XXYLT1: variants seen among roughly 807,000 people sequenced by gnomAD.
The protein encoded by XXYLT1 is xyloside xylosyltransferase 1.
Under a neutral mutation model 28.9 loss-of-function variants are expected in XXYLT1, and 20 were observed. That is an observed-to-expected ratio of 0.69 (90% confidence interval 0.49 to 1.00). XXYLT1 has a LOEUF of 1.00. Ranked by LOEUF, XXYLT1 falls within the 50% of genes least tolerant of loss-of-function variation. The pLI is 0.00. For synonymous variants in XXYLT1, 257 were observed against 253.8 expected (o/e 1.01, Z -0.12); for missense variants, 542 against 560.1 (o/e 0.97, Z 0.33).
chr3:195,120,916 C>A (rs991812496), intron 3 of XXYLT1, among the ~76,000 whole-genome samples: 1 of 152,200 alleles, frequency 6.6e-6, no homozygotes, highest in Non-Finnish European at 1.5e-5. Context: ...CTTACTCCCC[C>A]AAACCCTCAC....
chr3:195,106,989 T>G lies in XXYLT1; in HGVS notation c.786-36878A>C, dbSNP rs377324988. The stretch of plus-strand genomic sequence containing the variant: ...AAACGGCTCCCGGATGGTAATACAA[T>G]CAGAGGCTCCACAGAATCTTTTTCT... On this transcript the variant is annotated intron_variant, in intron 3 of 3. Transcript: ENST00000310380. Among the ~76,000 whole-genome samples, 34 of 152,186 alleles carry G rather than the reference T, an allele frequency of 2.2e-4. No individual in the cohort carries two copies. The South Asian group carries it at 5.0e-3, about 22-fold the overall frequency.
intron 3 of XXYLT1, among the ~76,000 whole-genome samples, chr3:195,094,423 G>C (rs1384713522): frequency 1.3e-5 from 2 of 152,200 alleles, no homozygotes; most frequent in Non-Finnish European, 2.9e-5. Context: ...TGCAGGCCCA[G>C]AGTGGCCCGA....
chr3:195,222,753 G>GA (rs759990107), intron 2 of XXYLT1, among the ~76,000 whole-genome samples: 6 of 152,054 alleles, frequency 3.9e-5, no homozygotes, highest in Non-Finnish European at 8.8e-5. Context: ...GCCATTAACT[G>GA]AAAAAATCAT....
chr3:195,109,593 C>CGT (rs142991054), intron 3 of XXYLT1, among the ~76,000 whole-genome samples: 90,096 of 130,038 alleles, frequency 0.69, 31,327 homozygotes, highest in Middle Eastern at 0.75. Flanking sequence ...TATGAGTGCA[C>CGT]GTGTGTGTGG....
chr3:195,095,727 G>C (rs554324201), intron 3 of XXYLT1: 4 of 152,790 alleles, frequency 2.6e-5, no homozygotes, highest in Admixed American at 1.3e-4. Context: ...TAACACGTGC[G>C]GTCCCCTGAT....
intron 1 of XXYLT1, among the ~76,000 whole-genome samples, chr3:195,238,079 CTTAG>C (rs1284396021): frequency 6.6e-6 from 1 of 152,182 alleles, no homozygotes; most frequent in Non-Finnish European, 1.5e-5. Context: ...TCGTCGCTCC[CTTAG>C]TTACAGTCCG....
chr3:195,119,048 C>T (rs1031379836), intron 3 of XXYLT1, among the ~76,000 whole-genome samples: 4 of 151,630 alleles, frequency 2.6e-5, no homozygotes, highest in Non-Finnish European at 2.9e-5. Context: ...GAAGCCAGGG[C>T]GGGTGGATCA....
chr3:195,252,191 C>A (rs1453740468), intron 1 of XXYLT1, among the ~76,000 whole-genome samples: 1 of 152,162 alleles, frequency 6.6e-6, no homozygotes, highest in Non-Finnish European at 1.5e-5. Flanking sequence ...TTTATGCATA[C>A]ATATGTGGTA....
At chr3:195,242,837 A>G (rs1460339777) in intron 1 of XXYLT1, among the ~76,000 whole-genome samples, 1 of 152,240 alleles carries the variant, frequency 6.6e-6, no homozygotes, top group Non-Finnish European at 1.5e-5. Flanking sequence ...AGTGACAAGA[A>G]CAGGGTGGGA....
At chr3:195,097,330 C>G in intron 3 of XXYLT1, among the ~76,000 whole-genome samples, 1 of 110,222 alleles carries the variant, frequency 9.1e-6, no homozygotes, top group Admixed American at 8.4e-5. Flanking sequence ...TCAATGATTT[C>G]ATCCTCACTA....
At chr3:195,188,475 G>A (rs1251654362) in intron 2 of XXYLT1, among the ~76,000 whole-genome samples, 1 of 152,162 alleles carries the variant, frequency 6.6e-6, no homozygotes, top group African/African-American at 2.4e-5. Context: ...AATTAAAATG[G>A]TATAAATATG....
At position 195,256,561 on chromosome 3, in the gene XXYLT1, C is replaced by G. The variant is rs1478234922; in HGVS notation, c.504+13994G>C. ...AGGGGAAGAGCAGCCTCCTCACACC[C>G]CGCAACTTCTCACCCGCACATTCAG... On this transcript the variant is annotated intron_variant, in intron 1 of 3. Transcript: ENST00000310380. This position sits in a 1 kb window ranked among gnomAD's most constrained non-coding sequence, Gnocchi z 4.2. 14 of 985,268 alleles carry G rather than the reference C, an allele frequency of 1.4e-5. No individual in the cohort carries two copies. The highest frequency in any genetic ancestry group is 1.7e-5 in the Non-Finnish European group (14 of 829,924). The allele number at this position is 985,268 out of a possible 1,614,324, so 61.0% of individuals were successfully genotyped here. A position where few individuals can be genotyped will look rare whatever the true frequency, so the allele number is the denominator to read the frequency against.
At position 195,070,158 on chromosome 3, in the gene XXYLT1, C is replaced by T. The variant is rs530889871; in HGVS notation, c.786-47G>A. On this transcript the variant is annotated intron_variant, in intron 3 of 3. Coordinates refer to ENST00000310380, the MANE Select transcript of XXYLT1 (RefSeq NM_152531.5). ...TTAGTCCGGTGTGCAGGGGAACCAG[C>T]CTGCCGGCCTGCTGCCCTGGGTCTT... is the stretch of plus-strand genomic sequence containing the variant. 4.6e-5 allele frequency: 69 copies of T among 1,501,090 alleles called. No individual in the cohort carries two copies. In the East Asian group the frequency reaches 1.4e-3, roughly 31 times the overall value. 93.0% of individuals were successfully genotyped at this position (1,501,090 alleles called of 1,614,324 possible).
intron 3 of XXYLT1, among the ~76,000 whole-genome samples, chr3:195,142,231 TC>T (rs1228582626): frequency 6.6e-6 from 1 of 152,202 alleles, no homozygotes; most frequent in Non-Finnish European, 1.5e-5. Flanking sequence ...TAGTGCCCCC[TC>T]CCCAACCTTT....
chr3:195,128,104 G>A (rs1718729692), intron 3 of XXYLT1, among the ~76,000 whole-genome samples: 1 of 152,130 alleles, frequency 6.6e-6, no homozygotes, highest in Non-Finnish European at 1.5e-5. Flanking sequence ...GGAAGCTGAC[G>A]GCACATGGCC....
At chr3:195,138,492 G>A (rs1031997316) in intron 3 of XXYLT1, among the ~76,000 whole-genome samples, 15 of 152,124 alleles carry the variant, frequency 9.9e-5, no homozygotes, top group Admixed American at 6.5e-5. Flanking sequence ...GGGTGCAGGC[G>A]GCCCTCAGAG....
intron 1 of XXYLT1, among the ~76,000 whole-genome samples, chr3:195,235,509 G>A (rs1724496514): frequency 6.6e-6 from 1 of 152,112 alleles, no homozygotes; most frequent in South Asian, 2.1e-4. Flanking sequence ...CTCCAAGACT[G>A]GCCCCTGGTG....
chr3:195,192,252 G>A (rs1722452294), intron 2 of XXYLT1, among the ~76,000 whole-genome samples: 1 of 152,086 alleles, frequency 6.6e-6, no homozygotes, highest in African/African-American at 2.4e-5. Context: ...GTGAAACCCG[G>A]CCTCTATTAA....
chr3:195,244,485 G>A (rs1463670245), intron 1 of XXYLT1, among the ~76,000 whole-genome samples: 1 of 152,118 alleles, frequency 6.6e-6, no homozygotes, highest in Non-Finnish European at 1.5e-5. Flanking sequence ...CTCCCGGCCG[G>A]GCGCGGTGGC....
Sources: gnomAD v4.1 joint callset for allele counts (sites outside exome capture counted in the v4.1 genomes callset) on GRCh38, gnomAD v4.1.1 for gene constraint, Gnocchi (gnomAD v3.1) non-coding constraint, MANE v1.5 for transcripts, NCBI Gene and HGNC (gene_info 2026-07-23, HGNC 2026-07-21) for gene names.